The following MAGI2 variants were observed in gnomAD, a reference collection of about 807,000 sequenced individuals.
MAGI2 encodes the protein membrane-associated guanylate kinase, WW and PDZ domain-containing protein 2.
In MAGI2, 35 loss-of-function variants were observed where a neutral mutation model predicts 133.3. The ratio of observed to expected loss-of-function variants is 0.26; its 90% CI spans 0.20 to 0.35. The LOEUF (loss-of-function observed/expected upper bound fraction) is 0.35, where lower values mean the gene tolerates loss of function less well. Ranked by LOEUF, MAGI2 falls within the 10% of genes least tolerant of loss-of-function variation. The probability of loss-of-function intolerance (pLI) is 1.00; values close to 1 mark genes in which losing one functional copy is unlikely to be tolerated. For synonymous variants in MAGI2, 729 were observed against 710.6 expected, an observed-to-expected ratio of 1.03 and a Z score of -0.41; for missense variants, 1,636 against 1,863.4, an observed-to-expected ratio of 0.88 and a Z score of 2.25.
intron 21 of MAGI2, among the ~76,000 whole-genome samples, chr7:78,070,139 G>GTA (rs1302034222): frequency 0.025 from 3,050 of 122,322 alleles, 61 homozygotes; most frequent in Middle Eastern, 0.035. Flanking sequence ...ATATGTGTGT[G>GTA]TATATATATA....
At chr7:78,854,888 G>A (rs112479715) in intron 2 of MAGI2, among the ~76,000 whole-genome samples, 3 of 151,296 alleles carry the variant, frequency 2.0e-5, no homozygotes, top group Admixed American at 6.6e-5. Flanking sequence ...ACGGAGTCTC[G>A]CTCTGTCACC....
chr7:78,192,326 A>G (rs982115206), intron 12 of MAGI2, among the ~76,000 whole-genome samples: 30 of 152,274 alleles, frequency 2.0e-4, no homozygotes, highest in Middle Eastern at 3.4e-3. Context: ...ATAATCACGA[A>G]TTTTGAAATA....
intron 20 of MAGI2, among the ~76,000 whole-genome samples, chr7:78,084,744 TG>T (rs1816431908): frequency 6.6e-6 from 1 of 152,240 alleles, no homozygotes; most frequent in African/African-American, 2.4e-5. Flanking sequence ...TTAGGGTCTT[TG>T]CTGCTGCAGT....
chr7:79,321,466 C>CCA (rs201074132), intron 1 of MAGI2, among the ~76,000 whole-genome samples: 3 of 43,504 alleles, frequency 6.9e-5, no homozygotes, highest in African/African-American at 2.4e-4. Flanking sequence ...GTAGATCCAA[C>CCA]CACGTTAACA....
intron 2 of MAGI2, among the ~76,000 whole-genome samples, chr7:78,923,677 G>C (rs1474560708): frequency 6.6e-6 from 1 of 152,066 alleles, no homozygotes; most frequent in Non-Finnish European, 1.5e-5. Context: ...GGTGATGAGG[G>C]CTCTTTTTTG....
chr7:78,216,440 A>G lies in MAGI2; in HGVS notation c.2048-15247T>C, dbSNP rs73702832. ...TTGAAACCTTGTAATTGGCTTCCCC[A>G]TGCTTGTAAGAACAAAGTGAAAATC... On this transcript the variant is annotated intron_variant, in intron 10 of 21. Coordinates refer to ENST00000354212, the MANE Select transcript of MAGI2 (RefSeq NM_012301.4). Among the ~76,000 whole-genome samples, 299 of 152,326 alleles carry G rather than the reference A, an allele frequency of 2.0e-3. 1 individual carries two copies. Among genetic ancestry groups the G allele is most frequent in the African/African-American group, 6.8e-3 (282 of 41,572 alleles).
intron 12 of MAGI2, among the ~76,000 whole-genome samples, chr7:78,190,263 C>T (rs1192841145): frequency 6.6e-6 from 1 of 152,142 alleles, no homozygotes; most frequent in Non-Finnish European, 1.5e-5. Flanking sequence ...TAACACAAGT[C>T]ACTAATAAGC....
At chr7:79,290,041 A>G (rs12111848) in intron 1 of MAGI2, among the ~76,000 whole-genome samples, 117,577 of 151,930 alleles carry the variant, frequency 0.77, 46,794 homozygotes, top group Admixed American at 0.87. Flanking sequence ...TGTTGGTAAT[A>G]CAAAATCTAT....
chr7:78,596,551 C>T (rs898076357), intron 3 of MAGI2, among the ~76,000 whole-genome samples: 1 of 152,044 alleles, frequency 6.6e-6, no homozygotes, highest in African/African-American at 2.4e-5. Flanking sequence ...TCCAAGTCTT[C>T]CTACTTTAAA....
At chr7:79,365,792 G>A (rs534429295) in intron 1 of MAGI2, among the ~76,000 whole-genome samples, 2 of 140,982 alleles carry the variant, frequency 1.4e-5, no homozygotes, top group African/African-American at 5.3e-5. Context: ...CCCAGGTGGT[G>A]GAGGTTGTAG....
At chr7:79,136,115 AAGAAAG>A (rs1821535918) in intron 1 of MAGI2, among the ~76,000 whole-genome samples, 1 of 148,406 alleles carries the variant, frequency 6.7e-6, no homozygotes, top group East Asian at 2.0e-4. Context: ...GAAAGAAAGA[AAGAAAG>A]AAAGAAAGAC....
chr7:78,902,804 G>A (rs146645958), intron 2 of MAGI2, among the ~76,000 whole-genome samples: 1 of 152,102 alleles, frequency 6.6e-6, no homozygotes, highest in Non-Finnish European at 1.5e-5. Context: ...TAGTTCTCCC[G>A]GGCAACCAGC....
intron 2 of MAGI2, among the ~76,000 whole-genome samples, chr7:78,660,950 C>T (rs1812884457): frequency 6.6e-6 from 1 of 151,964 alleles, no homozygotes; most frequent in African/African-American, 2.4e-5. Flanking sequence ...ATCTTAACAC[C>T]CAAGGGTTCT....
intron 1 of MAGI2, among the ~76,000 whole-genome samples, chr7:79,239,828 G>C: frequency 6.6e-6 from 1 of 152,218 alleles, no homozygotes; most frequent in East Asian, 1.9e-4. Context: ...CTAAAATCAG[G>C]GATTGCTACT....
intron 1 of MAGI2, among the ~76,000 whole-genome samples, chr7:79,188,225 A>G (rs879199153): frequency 6.6e-6 from 1 of 151,780 alleles, no homozygotes; most frequent in Non-Finnish European, 1.5e-5. Context: ...TCACCTAGGT[A>G]TTAAGCCCAG....
chr7:78,145,558 T>C (rs755663454), intron 16 of MAGI2, among the ~76,000 whole-genome samples: 3 of 152,188 alleles, frequency 2.0e-5, no homozygotes, highest in Non-Finnish European at 4.4e-5. Flanking sequence ...GCCCTCATGG[T>C]AGAATTAGTA....
intron 6 of MAGI2, among the ~76,000 whole-genome samples, chr7:78,402,111 C>T (rs1796926603): frequency 6.6e-6 from 1 of 152,192 alleles, no homozygotes; most frequent in African/African-American, 2.4e-5. Flanking sequence ...TATTTGTTTA[C>T]ATACCTGTCT....
At chr7:78,911,951 A>T (rs891474988) in intron 2 of MAGI2, among the ~76,000 whole-genome samples, 1 of 152,166 alleles carries the variant, frequency 6.6e-6, no homozygotes, top group Non-Finnish European at 1.5e-5. Flanking sequence ...AAAGAGCAAG[A>T]TCATGTCTTT....
At chr7:78,591,091 A>T (rs2150843086) in intron 3 of MAGI2, among the ~76,000 whole-genome samples, 1 of 152,326 alleles carries the variant, frequency 6.6e-6, no homozygotes, top group African/African-American at 2.4e-5. Flanking sequence ...CAAAGAGATT[A>T]TGGTCTAGAG....
Sources: gnomAD v4.1 joint callset for allele counts (sites outside exome capture counted in the v4.1 genomes callset) on GRCh38, gnomAD v4.1.1 for gene constraint, MANE v1.5 for transcripts, NCBI Gene and HGNC (gene_info 2026-07-23, HGNC 2026-07-21) for gene names.